ASB15: variants seen among roughly 807,000 people sequenced by gnomAD.
The protein encoded by ASB15 is ankyrin repeat and SOCS box containing 15.
A neutral mutation model predicts 58.0 loss-of-function variants in ASB15; 54 were observed. The observed-to-expected ratio is 0.93, with a 90% CI of 0.75 to 1.17. ASB15 has a LOEUF of 1.17. Ranked by LOEUF, ASB15 falls within the 50% of genes most tolerant of loss-of-function variation. ASB15 has a pLI of 0.00. For synonymous variants in ASB15, 249 were observed against 262.4 expected (o/e 0.95, Z 0.50); for missense variants, 680 against 707.4 (o/e 0.96, Z 0.44).
At chr7:123,583,778 A>T (rs182788639) in intron 1 of ASB15, among the ~76,000 whole-genome samples, 1 of 152,032 alleles carries the variant, frequency 6.6e-6, no homozygotes, top group East Asian at 1.9e-4. Context: ...ATATACTGAG[A>T]AGCAAAGTAG....
chr7:123,584,072 C>G (rs1328558538), intron 1 of ASB15, among the ~76,000 whole-genome samples: 1 of 151,914 alleles, frequency 6.6e-6, no homozygotes, highest in African/African-American at 2.4e-5. Flanking sequence ...GTGAGCTCTT[C>G]TAGCCACACG....
At chr7:123,619,533 C>CT (rs1004881753) in intron 7 of ASB15, among the ~76,000 whole-genome samples, 7 of 151,890 alleles carry the variant, frequency 4.6e-5, no homozygotes, top group East Asian at 1.9e-4. Flanking sequence ...CTTGCCTACT[C>CT]TTTTTTTTGA....
At chr7:123,610,880 T>G (rs779332135) in intron 3 of ASB15, among the ~76,000 whole-genome samples, 1 of 151,998 alleles carries the variant, frequency 6.6e-6, no homozygotes, top group Non-Finnish European at 1.5e-5. Context: ...TGGTGGCTCA[T>G]GCCTGTAATC....
At position 123,617,676 on chromosome 7, in the gene ASB15, A is replaced by T. The variant is rs1438545981; in HGVS notation, c.390A>T (p.Leu130Phe). 6.2e-7 allele frequency: 1 copy of T among 1,612,712 alleles called. No individual in the cohort carries two copies. Residue 130 changes from leucine (L) to phenylalanine (F), a missense_variant, in exon 7 of 12, where the codon TTA becomes TTT. Transcript: ENST00000451215. The part of the protein sequence containing the change: ...KAGLVENVRT[L>F]LEKGVWPNTK... ...GTCTGGTGGAAAATGTAAGAACTTT[A>T]TTAGAAAAGGGAGTGTGGCCCAACA...
In ASB15 at chr7:123,639,293, G is replaced by T. The variant is rs1325201559; in HGVS notation, c.*2312G>T. 6.6e-6 allele frequency: 1 copy of T among 152,044 alleles called. No individual in the cohort carries two copies. The highest frequency in any genetic ancestry group is 1.5e-5 in the Non-Finnish European group (1 of 67,992). 9.4% of individuals were successfully genotyped at this position (152,044 alleles called of 1,614,324 possible). A position where few individuals can be genotyped will look rare whatever the true frequency, so the allele number is the denominator to read the frequency against. On this transcript the variant is annotated 3_prime_UTR_variant, in exon 12 of 12. Coordinates refer to ENST00000451215, the MANE Select transcript of ASB15 (RefSeq NM_001290258.2). ...CCTAGAGGATATATTTTATATGTAA[G>T]TTAAACTGTAATGTATTTATATTTA...
Position 123,628,865 on chromosome 7 carries a change from G to A in ASB15, c.871G>A (p.Ala291Thr), listed in dbSNP as rs1335564458. Residue 291 changes from alanine to threonine, a missense_variant and splice_region_variant, in exon 10 of 12, where the codon GCA (alanine) becomes ACA (threonine). By Grantham distance (58) the Ala-to-Thr change is moderately conservative. Coordinates refer to ENST00000451215, the MANE Select transcript of ASB15 (RefSeq NM_001290258.2). ...AGATATTTGACTTTTTTCTTTTAGT[G>A]CACTGAAATATCTTATCCCAGTAAC... ...HRAAYEGHYL[A>T]LKYLIPVTSK... The A allele has an allele frequency of 4.7e-6, 7 of 1,504,220 alleles. No homozygotes were observed. The highest frequency in any genetic ancestry group is 1.3e-5 in the South Asian group (1 of 74,522). 93.2% of individuals were successfully genotyped at this position (1,504,220 alleles called of 1,614,324 possible).
intron 4 of ASB15, 36 bp downstream of exon 4, chr7:123,614,645 T>A: frequency 7.7e-7 from 1 of 1,296,070 alleles, no homozygotes. Flanking sequence ...GCAAAATTTC[T>A]TTATGGCATT....
chr7:123,573,042 A>C (rs1204404825), intron 1 of ASB15, among the ~76,000 whole-genome samples: 1 of 152,112 alleles, frequency 6.6e-6, no homozygotes, highest in Non-Finnish European at 1.5e-5. Flanking sequence ...GTGATCAGTA[A>C]ATTTTTAGCT....
Position 123,604,069 on chromosome 7 carries a change from T to C in ASB15, c.-207T>C, listed in dbSNP as rs1800017165. The C allele has an allele frequency of 6.6e-6, 1 of 152,234 alleles. No homozygotes were observed. The highest frequency in any genetic ancestry group is 1.5e-5 in the Non-Finnish European group (1 of 68,076). The allele number at this position is 152,234 out of a possible 1,614,324, so 9.4% of individuals were successfully genotyped here. A position where few individuals can be genotyped will look rare whatever the true frequency, so the allele number is the denominator to read the frequency against. On this transcript the variant is annotated 5_prime_UTR_variant, in exon 2 of 12. Transcript: ENST00000451215. ...GACAGTGCAGGAGGTGAGGCCATCTTATAGGAAGAGCAGTTGTCCAGCCTC... is the reference window on the plus strand; with the variant it reads ...GACAGTGCAGGAGGTGAGGCCATCTCATAGGAAGAGCAGTTGTCCAGCCTC...
chr7:123,637,080 T>C lies in ASB15; in HGVS notation c.*99T>C, dbSNP rs1388186209. 10 of 830,858 alleles carry C rather than the reference T, an allele frequency of 1.2e-5. No individual in the cohort carries two copies. The highest frequency in any genetic ancestry group is 1.7e-5 in the Non-Finnish European group (9 of 542,502). 51.5% of individuals were successfully genotyped at this position (830,858 alleles called of 1,614,324 possible). ...TACATCCTTAATTGTAAAGTGTATT[T>C]AAATTCATTGACAGTTTTATAGGTT... On this transcript the variant is annotated 3_prime_UTR_variant, in exon 12 of 12. Transcript: ENST00000451215.
chr7:123,611,692 G>C (rs1800472387), intron 3 of ASB15, among the ~76,000 whole-genome samples: 1 of 152,154 alleles, frequency 6.6e-6, no homozygotes, highest in South Asian at 2.1e-4. Flanking sequence ...ATAAATTTAT[G>C]TGAGGTTTAG....
chr7:123,629,882 G>A (rs1802028443), intron 10 of ASB15, 84 bp from the exon 11 acceptor site: 7 of 974,206 alleles, frequency 7.2e-6, no homozygotes, highest in East Asian at 2.6e-5. Context: ...TAGTAAAACA[G>A]AGTAATTTTT....
At chr7:123,632,210 A>C (rs1802159375) in intron 11 of ASB15, among the ~76,000 whole-genome samples, 1 of 152,180 alleles carries the variant, frequency 6.6e-6, no homozygotes, top group Non-Finnish European at 1.5e-5. Flanking sequence ...ATAATATCAG[A>C]TATGAAAGAA....
chr7:123,600,221 G>A (rs765337261), upstream of ASB15, among the ~76,000 whole-genome samples: 3 of 152,068 alleles, frequency 2.0e-5, no homozygotes, highest in Non-Finnish European at 2.9e-5. Context: ...AAAGCAAGAC[G>A]TGTTCACAGG....
upstream of ASB15, among the ~76,000 whole-genome samples, chr7:123,597,917 C>CGTGTGTGTGTGTGTAT: frequency 1.5e-5 from 2 of 133,072 alleles, no homozygotes; most frequent in African/African-American, 5.8e-5. Context: ...TTTCAAACTT[C>CGTGTGTGTGTGTGTAT]GTGTGTGTGT....
At chr7:123,618,765 C>T (rs1229919185) in intron 7 of ASB15, among the ~76,000 whole-genome samples, 1 of 152,062 alleles carries the variant, frequency 6.6e-6, no homozygotes, top group East Asian at 1.9e-4. Context: ...TTTTAAACAA[C>T]CTTAATATTA....
intron 1 of ASB15, among the ~76,000 whole-genome samples, chr7:123,571,321 A>T (rs1798902156): frequency 6.6e-6 from 1 of 152,172 alleles, no homozygotes; most frequent in African/African-American, 2.4e-5. Flanking sequence ...TTTTAATTGC[A>T]TTTAATTATT....
intron 1 of ASB15, among the ~76,000 whole-genome samples, chr7:123,573,286 TG>T (rs1259508365): frequency 6.8e-6 from 1 of 146,346 alleles, no homozygotes; most frequent in Non-Finnish European, 1.5e-5. Context: ...CCTCTGGATT[TG>T]CTTTTTTTTT....
At chr7:123,609,183 T>C (rs548079772) in intron 3 of ASB15, 1 of 147,826 alleles carries the variant, frequency 6.8e-6, no homozygotes, top group African/African-American at 2.5e-5. Context: ...GGGTTTCTAT[T>C]TGGGCTGGCC....
Sources: allele counts gnomAD v4.1 joint callset (sites outside exome capture counted in the v4.1 genomes callset), GRCh38; gene constraint gnomAD v4.1.1; transcripts MANE v1.5; gene names NCBI Gene and HGNC (gene_info 2026-07-23, HGNC 2026-07-21).